YEATS2: variants seen among roughly 807,000 people sequenced by gnomAD.
YEATS2 encodes YEATS domain containing 2.
Under a neutral mutation model 163.2 loss-of-function variants are expected in YEATS2, and 77 were observed. The ratio of observed to expected loss-of-function variants is 0.47; its 90% CI spans 0.39 to 0.57. The LOEUF is 0.57. Ranked by LOEUF, YEATS2 falls within the 20% of genes least tolerant of loss-of-function variation. The pLI, the probability that YEATS2 is intolerant of heterozygous loss-of-function variation, is 0.00. For synonymous variants in YEATS2, 631 were observed against 645.1 expected, an observed-to-expected ratio of 0.98 and a Z score of 0.33; for missense variants, 1,549 against 1,729.8, an observed-to-expected ratio of 0.90 and a Z score of 1.85.
Position 183,775,976 on chromosome 3 carries a change from A to AGGAGGAGGCGGCAGTGGCAGC in YEATS2, c.2433_2453dup (p.Gly816_Ser822dup). On this transcript the variant is annotated inframe_insertion, in exon 18 of 31. Coordinates refer to ENST00000305135, the MANE Select transcript of YEATS2 (RefSeq NM_018023.5). ...GTGCCGGAGGAGGAGGAGGAGGAGG[A>AGGAGGAGGCGGCAGTGGCAGC]GGAGGAGGCGGCAGTGGCAGCGGTG... 1 of 1,608,466 alleles carries AGGAGGAGGCGGCAGTGGCAGC rather than the reference A, an allele frequency of 6.2e-7. No homozygotes were observed. Among genetic ancestry groups the AGGAGGAGGCGGCAGTGGCAGC allele is most frequent in the East Asian group, 2.2e-5 (1 of 44,768 alleles).
At chr3:183,727,947 T>C (rs1475474719) in intron 6 of YEATS2, among the ~76,000 whole-genome samples, 7 of 125,004 alleles carry the variant, frequency 5.6e-5, no homozygotes, top group Non-Finnish European at 8.7e-5. Flanking sequence ...AAAAACAAGT[T>C]TGCCTTTTTT....
rs781104794 is a variant in YEATS2 at position 183,723,501 on chromosome 3, A to ACAAACCT, written c.538-918_538-917insCAAACCT. Among the ~76,000 whole-genome samples, 650 of 152,348 alleles carry ACAAACCT rather than the reference A, an allele frequency of 4.3e-3. 5 individuals are homozygous for ACAAACCT. Among genetic ancestry groups the ACAAACCT allele is most frequent in the Middle Eastern group, 0.01 (3 of 294 alleles). On this transcript the variant is annotated intron_variant, in intron 5 of 30. Transcript: ENST00000305135. ...ACAGAAAAGTAAAAAAGAATAGAAA[A>ACAAACCT]GTTCATTCGTGAGGCTGCCACCCCC...
chr3:183,798,213 C>T (rs1243262890), intron 22 of YEATS2, among the ~76,000 whole-genome samples, 162 bp downstream of exon 22: 6 of 152,206 alleles, frequency 3.9e-5, no homozygotes, highest in Non-Finnish European at 8.8e-5. Flanking sequence ...GTATTCCCAG[C>T]GCCTTGAATG....
intron 29 of YEATS2, 43 bp from the exon 30 acceptor site, chr3:183,809,054 A>G: frequency 6.2e-7 from 1 of 1,601,876 alleles, no homozygotes; most frequent in Non-Finnish European, 8.6e-7. Flanking sequence ...TCTTGCCAGC[A>G]AGCAGATGGC....
rs367701961 is a variant in YEATS2, at chr3:183,795,241, A to T, written c.3098-2682A>T. The stretch of plus-strand genomic sequence containing the variant: ...TAATAGTAAATCAGTAGGTAAAATT[A>T]AAAATTGATGAATCAAGGCCTACAA... On this transcript the variant is annotated intron_variant, in intron 21 of 30. Transcript: ENST00000305135. 1.4e-4 allele frequency among the ~76,000 whole-genome samples: 21 copies of T among 152,030 alleles called. 1 individual carries two copies. The highest frequency in any genetic ancestry group is 5.2e-4 in the Admixed American group (8 of 15,250).
At chr3:183,774,477 G>C (rs546915550) in intron 17 of YEATS2, among the ~76,000 whole-genome samples, 1 of 152,252 alleles carries the variant, frequency 6.6e-6, no homozygotes, top group South Asian at 2.1e-4. Context: ...ACTGGTCCCT[G>C]GTGCCACAAA....
chr3:183,758,708 T>G (rs1721024564), intron 12 of YEATS2, among the ~76,000 whole-genome samples, 154 bp from the exon 13 acceptor site: 1 of 152,206 alleles, frequency 6.6e-6, no homozygotes, highest in Non-Finnish European at 1.5e-5. Flanking sequence ...CTTAAGGGTT[T>G]TTTTCCATAC....
At chr3:183,793,266 C>G in intron 21 of YEATS2, 1 of 1,174,946 alleles carries the variant, frequency 8.5e-7, no homozygotes, top group South Asian at 1.6e-5. Context: ...ACTATTATTA[C>G]TTCATTCATA....
At chr3:183,792,269 A>G (rs1253937099) in intron 21 of YEATS2, among the ~76,000 whole-genome samples, 1 of 152,012 alleles carries the variant, frequency 6.6e-6, no homozygotes, top group East Asian at 1.9e-4. Context: ...TGCATTAGGT[A>G]TTTGTCCTAA....
intron 1 of YEATS2, among the ~76,000 whole-genome samples, chr3:183,713,796 A>G (rs1715517276): frequency 6.6e-6 from 1 of 152,200 alleles, no homozygotes; most frequent in South Asian, 2.1e-4. Flanking sequence ...GCTACTAGCT[A>G]CGGTGACTCT....
chr3:183,807,268 C>T, intron 28 of YEATS2, 176 bp downstream of exon 28: 1 of 607,770 alleles, frequency 1.6e-6, no homozygotes, highest in Non-Finnish European at 2.9e-6. Flanking sequence ...CCCAGGTGTG[C>T]TCTCAGGGCT....
Position 183,777,707 on chromosome 3 carries a change from A to T in YEATS2, c.2736+7A>T. The T allele has an allele frequency of 6.2e-7, 1 of 1,611,422 alleles. No individual in the cohort carries two copies. The highest frequency in any genetic ancestry group is 8.5e-7 in the Non-Finnish European group (1 of 1,178,662). ...AACCACATTGTTTACACAGGTAAAT[A>T]CGCCCATGCACACACCCCAAATATG... On this transcript the variant is annotated splice_region_variant and intron_variant, in intron 19 of 30. Coordinates refer to ENST00000305135, the MANE Select transcript of YEATS2 (RefSeq NM_018023.5).
chr3:183,762,232 A>T lies in YEATS2; in HGVS notation c.1900A>T (p.Thr634Ser), dbSNP rs1178877822. 1 of 1,611,854 alleles carries T rather than the reference A, an allele frequency of 6.2e-7. No individual in the cohort carries two copies. The highest frequency in any genetic ancestry group is 8.5e-7 in the Non-Finnish European group (1 of 1,178,290). The change falls in exon 15 of 31, where the codon ACT becomes TCT. Residue 634 changes from threonine to serine, a missense_variant. Physicochemically the swap from Thr to Ser is moderately conservative, Grantham distance 58. Transcript: ENST00000305135. The stretch of plus-strand genomic sequence containing the variant: ...TGTGTCCCCTCAAAAACAGGTCATA[A>T]CTCCTGGAGAAGGGATTGCCCAGTC... ...IAVSPQKQVI[T>S]PGEGIAQSAK...
At chr3:183,756,713 A>G in intron 12 of YEATS2, 24 bp downstream of exon 12, 1 of 1,444,236 alleles carries the variant, frequency 6.9e-7, no homozygotes, top group Non-Finnish European at 9.1e-7. Flanking sequence ...CCATATTTGT[A>G]CCATCTAAAG....
In YEATS2 at chr3:183,747,722, T is replaced by C. The variant is rs1577103367; in HGVS notation, c.969+6T>C. The C allele has an allele frequency of 6.2e-7, 1 of 1,610,280 alleles. No individual in the cohort carries two copies. The highest frequency in any genetic ancestry group is 8.5e-7 in the Non-Finnish European group (1 of 1,177,508). ...AGACTCTTGGAGCAGAGACGGTAGG[T>C]TTTTTTCCTACAGTATTATCTGGGA... is the stretch of plus-strand genomic sequence containing the variant. On this transcript the variant is annotated splice_donor_region_variant and intron_variant, in intron 9 of 30. Transcript: ENST00000305135.
At chr3:183,794,072 G>T (rs138125198) in intron 21 of YEATS2, among the ~76,000 whole-genome samples, 1 of 152,194 alleles carries the variant, frequency 6.6e-6, no homozygotes, top group Non-Finnish European at 1.5e-5. Context: ...GTCAGAGCAC[G>T]CAGGGGCTGT....
At chr3:183,770,108 G>A (rs1722301471) in intron 15 of YEATS2, among the ~76,000 whole-genome samples, 1 of 151,920 alleles carries the variant, frequency 6.6e-6, no homozygotes, top group African/African-American at 2.4e-5. Flanking sequence ...AAAACTTCTG[G>A]CCGGGTGCGG....
At position 183,697,848 on chromosome 3, in the gene YEATS2, C is replaced by G. The variant is rs1713629947; in HGVS notation, c.-165C>G. ...GCGGAACGCGCCGGGCGGGCTCCAC[C>G]GCGCCGTGTGCTTCCGCAGGTTGCG... On this transcript the variant is annotated 5_prime_UTR_variant, in exon 1 of 31. Transcript: ENST00000305135. 6.6e-6 allele frequency: 1 copy of G among 150,890 alleles called. No homozygotes were observed. Among genetic ancestry groups the G allele is most frequent in the Non-Finnish European group, 1.5e-5 (1 of 67,640 alleles). The allele number at this position is 150,890 out of a possible 1,614,324, so 9.3% of individuals were successfully genotyped here. A position where few individuals can be genotyped will look rare whatever the true frequency, so the allele number is the denominator to read the frequency against.
chr3:183,707,164 T>A (rs1392442865), intron 1 of YEATS2, among the ~76,000 whole-genome samples: 1 of 152,176 alleles, frequency 6.6e-6, no homozygotes, highest in Non-Finnish European at 1.5e-5. Flanking sequence ...CCAGGCATCT[T>A]GGGTAAGGAA....
Sources: allele counts gnomAD v4.1 joint callset (sites outside exome capture counted in the v4.1 genomes callset), GRCh38; gene constraint gnomAD v4.1.1; transcripts MANE v1.5; gene names NCBI Gene and HGNC (gene_info 2026-07-23, HGNC 2026-07-21).